PRKG1: variants seen among roughly 807,000 people sequenced by gnomAD.
PRKG1 encodes protein kinase cGMP-dependent 1, also known as cGMP-dependent protein kinase 1.
A neutral mutation model predicts 88.1 loss-of-function variants in PRKG1; 35 were observed. That is an observed-to-expected ratio of 0.40 (90% CI 0.30 to 0.53). The LOEUF is 0.53. Among genes scored for constraint, PRKG1 ranks in the 20% least tolerant of loss-of-function variants. PRKG1 has a pLI of 0.59. For missense variants in PRKG1, 540 were observed against 839.8 expected, an observed-to-expected ratio of 0.64 and a Z score of 4.41; for synonymous variants, 303 against 292.5, an observed-to-expected ratio of 1.04 and a Z score of -0.37.
intron 9 of PRKG1, among the ~76,000 whole-genome samples, chr10:52,216,847 A>G (rs1319336461): frequency 1.3e-5 from 2 of 152,178 alleles, no homozygotes; most frequent in African/African-American, 4.8e-5. Context: ...TTTGCATAAT[A>G]CTTCTGAAAA....
At chr10:51,328,433 T>C (rs72803193) in intron 2 of PRKG1, among the ~76,000 whole-genome samples, 19,588 of 152,242 alleles carry the variant, frequency 0.13, 1,499 homozygotes, top group East Asian at 0.18. Flanking sequence ...AGTGCTGCAA[T>C]GAACACGGAA....
intron 3 of PRKG1, among the ~76,000 whole-genome samples, chr10:51,795,162 T>C (rs1334628321): frequency 2.6e-5 from 4 of 152,146 alleles, no homozygotes; most frequent in African/African-American, 9.6e-5. Context: ...GAAGTCACCA[T>C]TGGCCTTTAC....
chr10:51,881,486 G>A (rs995787128), intron 4 of PRKG1, among the ~76,000 whole-genome samples: 4 of 152,054 alleles, frequency 2.6e-5, no homozygotes, highest in African/African-American at 9.7e-5. Context: ...TCTTCCACAT[G>A]ATCTTTCATA....
At position 52,054,494 on chromosome 10, in the gene PRKG1, A is replaced by G. The variant is rs1203813588; in HGVS notation, c.773A>G (p.Glu258Gly). 6.2e-7 allele frequency: 1 copy of G among 1,613,314 alleles called. No homozygotes were observed. Among genetic ancestry groups the G allele is most frequent in the South Asian group, 1.1e-5 (1 of 91,070 alleles). The change falls in exon 6 of 18, where the codon GAA becomes GGA. Residue 258 changes from glutamate (E) to glycine (G), a missense_variant. Glu to Gly is a moderately conservative substitution (Grantham distance 98). Coordinates refer to ENST00000373980, the MANE Select transcript of PRKG1 (RefSeq NM_006258.4). ...GTTTCTACTTTTCAGACCCACTATG[A>G]AAATGGAGAATATATTATCAGGCAA... is the stretch of plus-strand genomic sequence containing the variant. The part of the protein sequence containing the change: ...LADVLEETHY[E>G]NGEYIIRQGA...
chr10:51,782,288 C>A (rs1350440440), intron 3 of PRKG1, among the ~76,000 whole-genome samples: 2 of 152,086 alleles, frequency 1.3e-5, no homozygotes, highest in African/African-American at 2.4e-5. Context: ...TTTCAACTTA[C>A]CATGGGTTAT....
At chr10:51,062,164 T>C (rs1006839010) in intron 1 of PRKG1, among the ~76,000 whole-genome samples, 10 of 152,206 alleles carry the variant, frequency 6.6e-5, no homozygotes, top group African/African-American at 2.4e-4. Context: ...TGAACAGATA[T>C]AAAGCAGGGT....
chr10:51,969,649 A>G (rs193126749), intron 5 of PRKG1, among the ~76,000 whole-genome samples: 3 of 152,216 alleles, frequency 2.0e-5, no homozygotes, highest in Admixed American at 2.0e-4. Context: ...GTCAAATAAC[A>G]TATAAAAAGG....
At chr10:51,152,639 T>C (rs1846102476) in intron 1 of PRKG1, among the ~76,000 whole-genome samples, 1 of 152,002 alleles carries the variant, frequency 6.6e-6, no homozygotes, top group African/African-American at 2.4e-5. Context: ...TTTAAAATGA[T>C]CCCTGCTTAT....
Position 51,761,790 on chromosome 10 carries a change from A to G in PRKG1, c.593-42795A>G, listed in dbSNP as rs538683070. Reference sequence around the variant, plus strand: ...TTGTAGAGTTAATTATACCATTTAAATAATTGTTTAAGATAAAGATATGTG... The same window carrying G: ...TTGTAGAGTTAATTATACCATTTAAGTAATTGTTTAAGATAAAGATATGTG... On this transcript the variant is annotated intron_variant, in intron 3 of 17. Transcript: ENST00000373980. Among the ~76,000 whole-genome samples, 9 of 152,344 alleles carry G rather than the reference A, an allele frequency of 5.9e-5. No individual in the cohort carries two copies. The South Asian group carries it at 1.9e-3, about 32-fold the overall frequency.
At position 51,111,538 on chromosome 10, in the gene PRKG1, G is replaced by A. The variant is rs543707235; in HGVS notation, c.311+36637G>A. ...TAGGGGAAGCTAATGAAGTAAGGAT[G>A]GAAAGATGATTGATGCAAAGGGACT... On this transcript the variant is annotated intron_variant, in intron 1 of 17. Coordinates refer to ENST00000373980, the MANE Select transcript of PRKG1 (RefSeq NM_006258.4). Among the ~76,000 whole-genome samples, 138 of 152,174 alleles carry A rather than the reference G, an allele frequency of 9.1e-4. 1 individual carries two copies. The highest frequency in any genetic ancestry group is 9.4e-4 in the African/African-American group (39 of 41,556).
intron 2 of PRKG1, among the ~76,000 whole-genome samples, chr10:51,175,905 G>A (rs1474719846): frequency 6.6e-6 from 1 of 152,080 alleles, no homozygotes; most frequent in Non-Finnish European, 1.5e-5. Context: ...TATGCTCTAT[G>A]AGGACAGGAT....
chr10:52,074,790 A>T (rs549902045), intron 7 of PRKG1, among the ~76,000 whole-genome samples: 1 of 152,336 alleles, frequency 6.6e-6, no homozygotes, highest in South Asian at 2.1e-4. Context: ...CCTACAAAAG[A>T]AATGCTTTAA....
At chr10:51,777,026 T>C (rs1838457644) in intron 3 of PRKG1, among the ~76,000 whole-genome samples, 1 of 152,124 alleles carries the variant, frequency 6.6e-6, no homozygotes, top group Admixed American at 6.6e-5. Flanking sequence ...AATCCAATGA[T>C]TCTTGTGATT....
intron 5 of PRKG1, among the ~76,000 whole-genome samples, chr10:51,949,892 T>C (rs1392545696): frequency 6.6e-6 from 1 of 152,204 alleles, no homozygotes; most frequent in Non-Finnish European, 1.5e-5. Context: ...TACATTGTTA[T>C]GTCATGCCAT....
chr10:51,179,230 A>T (rs1180025105), intron 2 of PRKG1, among the ~76,000 whole-genome samples: 1 of 152,236 alleles, frequency 6.6e-6, no homozygotes, highest in Non-Finnish European at 1.5e-5. Flanking sequence ...GACTCTGTAG[A>T]ACATGCACTA....
At chr10:51,855,432 G>T (rs560695813) in intron 4 of PRKG1, among the ~76,000 whole-genome samples, 1 of 152,230 alleles carries the variant, frequency 6.6e-6, no homozygotes, top group African/African-American at 2.4e-5. Context: ...AGTCCTCATG[G>T]TTTTACCAGT....
chr10:51,034,169 C>T (rs1019209002), intron 1 of PRKG1, among the ~76,000 whole-genome samples: 1 of 152,156 alleles, frequency 6.6e-6, no homozygotes, highest in African/African-American at 2.4e-5. Flanking sequence ...TCTTCATGAA[C>T]TTAGAGATTA....
chr10:51,394,595 C>G (rs1057101231), intron 2 of PRKG1, among the ~76,000 whole-genome samples: 4 of 152,178 alleles, frequency 2.6e-5, no homozygotes, highest in African/African-American at 9.7e-5. Flanking sequence ...TTTAAGCCCA[C>G]AAAGTAGATA....
chr10:51,323,111 C>T (rs1230501582), intron 2 of PRKG1, among the ~76,000 whole-genome samples: 1 of 152,166 alleles, frequency 6.6e-6, no homozygotes, highest in Non-Finnish European at 1.5e-5. Context: ...AAATAAGCCA[C>T]TTCCATTTTC....
Sources: allele counts gnomAD v4.1 joint callset (sites outside exome capture counted in the v4.1 genomes callset), GRCh38; gene constraint gnomAD v4.1.1; transcripts MANE v1.5; gene names NCBI Gene and HGNC (gene_info 2026-07-23, HGNC 2026-07-21).